Variants in CLSTN2 observed in about 807,000 individuals in gnomAD.
CLSTN2 encodes the protein calsyntenin 2, also known as calsyntenin-2.
A neutral mutation model predicts 101.2 loss-of-function variants in CLSTN2; 48 were observed. The ratio of observed to expected loss-of-function variants is 0.47; its 90% CI spans 0.38 to 0.60. The LOEUF (loss-of-function observed/expected upper bound fraction) is 0.60, where lower values mean the gene tolerates loss of function less well. Among genes scored for constraint, CLSTN2 ranks in the 20% least tolerant of loss-of-function variants. The pLI, the probability that CLSTN2 is intolerant of heterozygous loss-of-function variation, is 0.00. For missense variants in CLSTN2, 1,160 were observed against 1,238.2 expected (o/e 0.94, Z 0.95); for synonymous variants, 481 against 463.6 (o/e 1.04, Z -0.48).
intron 2 of CLSTN2, among the ~76,000 whole-genome samples, chr3:140,292,162 C>G (rs973853271): frequency 6.6e-6 from 1 of 152,198 alleles, no homozygotes; most frequent in Non-Finnish European, 1.5e-5. Flanking sequence ...AAGCACTCCT[C>G]TTGCCACCCC....
chr3:140,384,892 G>A lies in CLSTN2; in HGVS notation c.233-18737G>A, dbSNP rs181845635. ...AACATTTGGGAACTTGCAATTTTGG[G>A]GTTATGGGTGAGACTTGTCAAGGAG... is the stretch of plus-strand genomic sequence containing the variant. On this transcript the variant is annotated intron_variant, in intron 2 of 16. Transcript: ENST00000458420. Among the ~76,000 whole-genome samples, 8 of 152,262 alleles carry A rather than the reference G, an allele frequency of 5.3e-5. No homozygotes were observed. The East Asian group carries it at 1.4e-3, about 26-fold the overall frequency.
At chr3:140,014,072 G>A (rs753534114) in intron 1 of CLSTN2, among the ~76,000 whole-genome samples, 1 of 152,184 alleles carries the variant, frequency 6.6e-6, no homozygotes, top group African/African-American at 2.4e-5. Context: ...TAGCCAAGAG[G>A]ACCTCAGGTC....
chr3:140,416,843 C>A (rs1367549021), intron 4 of CLSTN2, among the ~76,000 whole-genome samples: 1 of 152,240 alleles, frequency 6.6e-6, no homozygotes, highest in Non-Finnish European at 1.5e-5. Flanking sequence ...ATTGTTTGGT[C>A]TTCATGCAGC....
intron 4 of CLSTN2, among the ~76,000 whole-genome samples, chr3:140,417,293 C>T (rs1235616987): frequency 6.6e-6 from 1 of 152,122 alleles, no homozygotes; most frequent in Non-Finnish European, 1.5e-5. Flanking sequence ...CTTAGCTCTT[C>T]CCTTATAGTG....
chr3:140,182,997 G>A (rs1471017459), intron 2 of CLSTN2, among the ~76,000 whole-genome samples: 7 of 152,144 alleles, frequency 4.6e-5, no homozygotes, highest in Non-Finnish European at 7.4e-5. Flanking sequence ...AAGGATGACA[G>A]GTGCAGGCTT....
chr3:140,104,838 GT>G (rs2009025407), intron 1 of CLSTN2, among the ~76,000 whole-genome samples: 1 of 152,216 alleles, frequency 6.6e-6, no homozygotes, highest in Admixed American at 6.5e-5. Context: ...GCCAGGCATG[GT>G]GATGCATGCA....
Position 140,428,175 on chromosome 3 carries a change from A to T in CLSTN2, c.787+6901A>T, listed in dbSNP as rs986277261. 9.9e-5 allele frequency among the ~76,000 whole-genome samples: 15 copies of T among 152,046 alleles called. No individual in the cohort carries two copies. In the East Asian group the frequency reaches 2.9e-3, roughly 29 times the overall value. On this transcript the variant is annotated intron_variant, in intron 5 of 16. Transcript: ENST00000458420. Reference sequence around the variant, plus strand: ...TTGGGGTTTTTCTGTTTGTTTGTTTAGTTTTTATTTTATCTTATGTTATGC... The same window carrying T: ...TTGGGGTTTTTCTGTTTGTTTGTTTTGTTTTTATTTTATCTTATGTTATGC...
intron 1 of CLSTN2, among the ~76,000 whole-genome samples, chr3:140,165,408 C>T (rs948300627): frequency 2.0e-5 from 3 of 152,164 alleles, no homozygotes; most frequent in Non-Finnish European, 2.9e-5. Flanking sequence ...CTGTAGACAT[C>T]GTCATGATTA....
chr3:140,208,979 A>G (rs2010819822), intron 2 of CLSTN2, among the ~76,000 whole-genome samples: 1 of 152,206 alleles, frequency 6.6e-6, no homozygotes, highest in Non-Finnish European at 1.5e-5. Flanking sequence ...GATACAGTGT[A>G]TATAGAAAGT....
chr3:140,256,372 T>C lies in CLSTN2; in HGVS notation c.232+80299T>C, dbSNP rs142050103. Among the ~76,000 whole-genome samples the C allele has an allele frequency of 3.2e-3, 490 of 152,336 alleles. 4 individuals are homozygous for C. The highest frequency in any genetic ancestry group is 4.5e-3 in the Non-Finnish European group (309 of 68,028). On this transcript the variant is annotated intron_variant, in intron 2 of 16. Coordinates refer to ENST00000458420, the MANE Select transcript of CLSTN2 (RefSeq NM_022131.3). ...TCAAACTAGTCCCCTGTGGAAAATA[T>C]GTCTTTGAATGGTTGCAGACTGTTC...
At chr3:140,341,607 G>A (rs2087493712) in intron 2 of CLSTN2, among the ~76,000 whole-genome samples, 1 of 152,292 alleles carries the variant, frequency 6.6e-6, no homozygotes, top group Non-Finnish European at 1.5e-5. Flanking sequence ...CAGTTTGGAG[G>A]ACAGTCGGCT....
At chr3:139,998,684 A>T (rs951287600) in intron 1 of CLSTN2, among the ~76,000 whole-genome samples, 2 of 152,026 alleles carry the variant, frequency 1.3e-5, no homozygotes, top group Non-Finnish European at 2.9e-5. Flanking sequence ...TCAGTGTTTG[A>T]TGCTTGGCAC....
chr3:139,980,226 C>T (rs1467247754), intron 1 of CLSTN2, among the ~76,000 whole-genome samples: 1 of 152,044 alleles, frequency 6.6e-6, no homozygotes, highest in African/African-American at 2.4e-5. Flanking sequence ...GCCACCTCCC[C>T]AGCTTCATTT....
chr3:140,209,628 C>T (rs538544291), intron 2 of CLSTN2, among the ~76,000 whole-genome samples: 1 of 150,632 alleles, frequency 6.6e-6, no homozygotes, highest in South Asian at 2.1e-4. Context: ...TGAAGCCCAG[C>T]ACTGTCCGTA....
At chr3:140,099,344 A>T (rs2008926733) in intron 1 of CLSTN2, among the ~76,000 whole-genome samples, 1 of 152,090 alleles carries the variant, frequency 6.6e-6, no homozygotes, top group South Asian at 2.1e-4. Context: ...TGGTGACTCC[A>T]GGCATTCCTT....
At chr3:140,185,979 G>A (rs1452467226) in intron 2 of CLSTN2, among the ~76,000 whole-genome samples, 1 of 152,106 alleles carries the variant, frequency 6.6e-6, no homozygotes, top group African/African-American at 2.4e-5. Context: ...GAATAGCTCT[G>A]TCCTTGGAAA....
intron 1 of CLSTN2, among the ~76,000 whole-genome samples, chr3:139,964,424 G>A (rs1358009192): frequency 6.6e-6 from 1 of 152,162 alleles, no homozygotes; most frequent in African/African-American, 2.4e-5. Context: ...GAGAGTACAT[G>A]ATGATATAAA....
At chr3:140,321,344 C>A (rs2087281510) in intron 2 of CLSTN2, among the ~76,000 whole-genome samples, 1 of 152,156 alleles carries the variant, frequency 6.6e-6, no homozygotes. Flanking sequence ...CACCTTTGAC[C>A]AGCTCTGTCA....
At position 139,978,247 on chromosome 3, in the gene CLSTN2, T is replaced by C. The variant is rs116255092; in HGVS notation, c.109+42764T>C. On this transcript the variant is annotated intron_variant, in intron 1 of 16. Transcript: ENST00000458420. Reference sequence around the variant, plus strand: ...CCCTGTTAGACCTTTCCCAACCCTGTTGGTGTTAGAACTGTTTTCTCATGG... The same window carrying C: ...CCCTGTTAGACCTTTCCCAACCCTGCTGGTGTTAGAACTGTTTTCTCATGG... Among the ~76,000 whole-genome samples, 255 of 152,362 alleles carry C rather than the reference T, an allele frequency of 1.7e-3. 2 individuals are homozygous for C. The highest frequency in any genetic ancestry group is 6.0e-3 in the African/African-American group (248 of 41,592).
Sources: allele counts gnomAD v4.1 joint callset (sites outside exome capture counted in the v4.1 genomes callset), GRCh38; gene constraint gnomAD v4.1.1; transcripts MANE v1.5; gene names NCBI Gene and HGNC (gene_info 2026-07-23, HGNC 2026-07-21).